FAT3: variants seen among roughly 807,000 people sequenced by gnomAD.
FAT3 encodes the protein FAT atypical cadherin 3.
In FAT3, 95 loss-of-function variants were observed where a neutral mutation model predicts 310.2. The observed-to-expected ratio is 0.31, with a 90% CI of 0.26 to 0.36. FAT3 has a LOEUF of 0.36. Ranked by LOEUF, FAT3 falls within the 10% of genes least tolerant of loss-of-function variation. The pLI is 1.00. For synonymous variants in FAT3, 2,314 were observed against 2,192.9 expected (o/e 1.06, Z -1.54); for missense variants, 5,408 against 5,715.6 (o/e 0.95, Z 1.74).
intron 1 of FAT3, among the ~76,000 whole-genome samples, chr11:92,345,710 C>T (rs1948396530): frequency 6.6e-6 from 1 of 152,142 alleles, no homozygotes; most frequent in Non-Finnish European, 1.5e-5. Flanking sequence ...CTTGTAGGTG[C>T]AGATGGGTAG....
intron 23 of FAT3, among the ~76,000 whole-genome samples, chr11:92,881,254 C>A (rs1377469034): frequency 1.3e-5 from 2 of 152,170 alleles, no homozygotes; most frequent in African/African-American, 4.8e-5. Context: ...GACTCTACGG[C>A]CTATTGTTTT....
chr11:92,562,293 T>G (rs1955254186), intron 3 of FAT3, among the ~76,000 whole-genome samples: 1 of 152,180 alleles, frequency 6.6e-6, no homozygotes, highest in Non-Finnish European at 1.5e-5. Context: ...AATGGGAAAT[T>G]CCTTATGGAA....
intron 3 of FAT3, among the ~76,000 whole-genome samples, chr11:92,565,734 T>C (rs1196169162): frequency 6.6e-6 from 1 of 151,658 alleles, no homozygotes; most frequent in Non-Finnish European, 1.5e-5. Flanking sequence ...TGGTTCAATA[T>C]ACACAAATCA....
At position 92,700,920 on chromosome 11, in the gene FAT3, T is replaced by G. The variant is rs564968659; in HGVS notation, c.3669+3475T>G. ...TGAACATTTCTTTTTTTTCCCTAAA[T>G]AGACCATAGAAGGAACATTACTTTA... is the stretch of plus-strand genomic sequence containing the variant. On this transcript the variant is annotated intron_variant, in intron 4 of 27. Transcript: ENST00000525166. 2.0e-5 allele frequency among the ~76,000 whole-genome samples: 3 copies of G among 152,284 alleles called. No individual in the cohort carries two copies. The South Asian group carries it at 6.2e-4, about 32-fold the overall frequency.
chr11:92,618,594 C>T (rs1007792562), intron 3 of FAT3, among the ~76,000 whole-genome samples: 9 of 152,170 alleles, frequency 5.9e-5, no homozygotes, highest in Admixed American at 1.3e-4. Flanking sequence ...TGTTCCTATT[C>T]GGCCATCTTG....
intron 7 of FAT3, among the ~76,000 whole-genome samples, chr11:92,785,011 A>G (rs1437151506): frequency 2.6e-5 from 4 of 151,838 alleles, no homozygotes; most frequent in Non-Finnish European, 5.9e-5. Context: ...AGTGGAGATA[A>G]GAACAATACC....
At chr11:92,617,231 C>T (rs1940855323) in intron 3 of FAT3, among the ~76,000 whole-genome samples, 1 of 152,102 alleles carries the variant, frequency 6.6e-6, no homozygotes, top group South Asian at 2.1e-4. Flanking sequence ...TTCATTTGAT[C>T]TTCCATCACT....
chr11:92,849,147 A>T (rs1948755733), intron 19 of FAT3, among the ~76,000 whole-genome samples: 1 of 152,200 alleles, frequency 6.6e-6, no homozygotes, highest in African/African-American at 2.4e-5. Context: ...CAATTGACTC[A>T]CTCAGAATCA....
chr11:92,805,431 C>G (rs532934035), intron 11 of FAT3, 82 bp downstream of exon 11: 2 of 1,433,134 alleles, frequency 1.4e-6, no homozygotes, highest in South Asian at 1.4e-5. Context: ...CTTCTTAAGG[C>G]CAGGCAAACT....
intron 2 of FAT3, among the ~76,000 whole-genome samples, chr11:92,435,639 C>T (rs1238163116): frequency 6.7e-6 from 1 of 149,844 alleles, no homozygotes; most frequent in East Asian, 2.0e-4. Flanking sequence ...CATCTTGGCT[C>T]ATTGCGACCT....
intron 1 of FAT3, among the ~76,000 whole-genome samples, chr11:92,350,973 G>T (rs1948548305): frequency 2.0e-5 from 3 of 152,088 alleles, no homozygotes; most frequent in Admixed American, 2.0e-4. Context: ...ACTTTTTCTT[G>T]TTGAATACCT....
intron 3 of FAT3, among the ~76,000 whole-genome samples, chr11:92,678,352 G>A (rs2135848562): frequency 6.6e-6 from 1 of 152,272 alleles, no homozygotes; most frequent in South Asian, 2.1e-4. Flanking sequence ...TTATTTGGGT[G>A]TGGAGAGGTG....
chr11:92,479,167 ATT>A (rs753439156), intron 2 of FAT3, among the ~76,000 whole-genome samples: 8 of 128,200 alleles, frequency 6.2e-5, no homozygotes, highest in South Asian at 2.5e-4. Flanking sequence ...ACGGCCAGCT[ATT>A]TTTTTTTTTT....
chr11:92,303,618 T>C (rs1409484594), intron 1 of FAT3, among the ~76,000 whole-genome samples: 1 of 152,130 alleles, frequency 6.6e-6, no homozygotes, highest in African/African-American at 2.4e-5. Context: ...TCTTTGAGAT[T>C]CTGGCCATAA....
intron 2 of FAT3, among the ~76,000 whole-genome samples, chr11:92,371,498 T>C (rs1949186589): frequency 6.6e-6 from 1 of 152,150 alleles, no homozygotes; most frequent in African/African-American, 2.4e-5. Context: ...GGTGGATCAC[T>C]TGAGTCCAGG....
chr11:92,496,645 T>G (rs1952774580), intron 2 of FAT3, among the ~76,000 whole-genome samples: 2 of 152,038 alleles, frequency 1.3e-5, no homozygotes, highest in African/African-American at 4.8e-5. Flanking sequence ...TTATTCTCAC[T>G]TGTAATTCTG....
At chr11:92,485,878 C>A (rs1484091832) in intron 2 of FAT3, among the ~76,000 whole-genome samples, 2 of 151,680 alleles carry the variant, frequency 1.3e-5, no homozygotes, top group East Asian at 1.9e-4. Context: ...AATTTGCAAC[C>A]TTATCAAAAC....
At chr11:92,404,478 T>G (rs778279127) in intron 2 of FAT3, among the ~76,000 whole-genome samples, 8 of 151,662 alleles carry the variant, frequency 5.3e-5, no homozygotes, top group Admixed American at 2.0e-4. Context: ...ACATTATTTC[T>G]CAGTGAGTGT....
At chr11:92,655,622 C>G (rs1214577053) in intron 3 of FAT3, among the ~76,000 whole-genome samples, 1 of 152,092 alleles carries the variant, frequency 6.6e-6, no homozygotes, top group African/African-American at 2.4e-5. Flanking sequence ...GCTTGGTTCC[C>G]CTTGAGGTAC....
Sources: gnomAD v4.1 joint callset for allele counts (sites outside exome capture counted in the v4.1 genomes callset) on GRCh38, gnomAD v4.1.1 for gene constraint, MANE v1.5 for transcripts, NCBI Gene and HGNC (gene_info 2026-07-23, HGNC 2026-07-21) for gene names.